Variants in HOOK2 observed in about 807,000 individuals in gnomAD.
HOOK2 encodes the protein protein Hook homolog 2.
A neutral mutation model predicts 111.9 loss-of-function variants in HOOK2; 108 were observed. The ratio of observed to expected loss-of-function variants is 0.96; its 90% confidence interval spans 0.83 to 1.13. HOOK2 has a LOEUF of 1.13. HOOK2 is among the 50% of genes most tolerant of loss of function. The pLI is 0.00. For synonymous variants in HOOK2, 405 were observed against 394.3 expected (o/e 1.03, Z -0.32); for missense variants, 978 against 951.3 (o/e 1.03, Z -0.37).
intron 11 of HOOK2, among the ~76,000 whole-genome samples, chr19:12,768,611 G>A (rs1357425357): frequency 6.6e-6 from 1 of 151,860 alleles, no homozygotes; most frequent in Non-Finnish European, 1.5e-5. Context: ...TATGTTCAAT[G>A]GATTTTCTTT....
chr19:12,767,125 A>G (rs1216338924), intron 14 of HOOK2, among the ~76,000 whole-genome samples: 2 of 152,198 alleles, frequency 1.3e-5, no homozygotes. Flanking sequence ...GATCAAAGTC[A>G]GCGGGGCTAG....
upstream of HOOK2, among the ~76,000 whole-genome samples, chr19:12,776,234 C>T (rs1339500282): frequency 6.6e-6 from 1 of 151,462 alleles, no homozygotes; most frequent in Non-Finnish European, 1.5e-5. Flanking sequence ...CGGGGAGGGG[C>T]GAGCCCTGGC....
upstream of HOOK2, among the ~76,000 whole-genome samples, chr19:12,781,340 A>T (rs1968599554): frequency 6.6e-6 from 1 of 150,988 alleles, no homozygotes; most frequent in South Asian, 2.1e-4. Flanking sequence ...AACGAAAAAG[A>T]AAAAGAGACA....
intron 20 of HOOK2, among the ~76,000 whole-genome samples, chr19:12,764,173 C>A (rs570929214): frequency 9.8e-4 from 149 of 151,822 alleles, no homozygotes; most frequent in Non-Finnish European, 2.0e-3. Context: ...TGTTACCAAT[C>A]CCGCCTAATT....
chr19:12,764,699 T>G, intron 20 of HOOK2, 115 bp downstream of exon 20: 2 of 783,312 alleles, frequency 2.6e-6, no homozygotes, highest in Non-Finnish European at 4.3e-6. Context: ...TATGGTGGGG[T>G]ATGACAGGTA....
upstream of HOOK2, among the ~76,000 whole-genome samples, chr19:12,782,891 C>CG (rs1025509742): frequency 9.9e-5 from 15 of 151,990 alleles, no homozygotes; most frequent in Admixed American, 9.8e-4. Flanking sequence ...TGAGACCCCC[C>CG]CCCCAGTTGC....
intron 11 of HOOK2, among the ~76,000 whole-genome samples, 168 bp downstream of exon 11, chr19:12,769,713 G>A (rs1382932414): frequency 6.6e-6 from 1 of 152,226 alleles, no homozygotes; most frequent in Non-Finnish European, 1.5e-5. Context: ...GGAAAGGCTG[G>A]GCTTACTAAC....
chr19:12,773,718 G>C (rs1968406414), intron 3 of HOOK2, among the ~76,000 whole-genome samples: 1 of 152,134 alleles, frequency 6.6e-6, no homozygotes, highest in Admixed American at 6.6e-5. Flanking sequence ...ATGCAGCCAG[G>C]GGGAGCTTTA....
chr19:12,789,810 G>A (rs1968689143), intron 3 of HOOK2, among the ~76,000 whole-genome samples: 1 of 151,624 alleles, frequency 6.6e-6, no homozygotes. Flanking sequence ...GGCCGTGGGG[G>A]CCCCGGGGGC....
upstream of HOOK2, among the ~76,000 whole-genome samples, chr19:12,777,163 TAAATA>T (rs140327690): frequency 0.35 from 49,196 of 141,174 alleles, 9,196 homozygotes; most frequent in Middle Eastern, 0.48. Context: ...TCAAAAAAAA[TAAATA>T]AAATAAAATA....
At chr19:12,775,700 C>CT (rs938097867), upstream of HOOK2, 1 of 372,662 alleles carries the variant, frequency 2.7e-6, no homozygotes, top group African/African-American at 2.2e-5. Flanking sequence ...GGCGCCCGCC[C>CT]TGCCGCTAGG....
intron 10 of HOOK2, 34 bp downstream of exon 10, chr19:12,770,898 C>T (rs1476793793): frequency 2.5e-6 from 4 of 1,570,574 alleles, no homozygotes; most frequent in Non-Finnish European, 3.5e-6. Context: ...ACCCCCCGCC[C>T]CCCGTGATGG....
chr19:12,789,265 A>G (rs1393125387), intron 3 of HOOK2, among the ~76,000 whole-genome samples: 1 of 151,994 alleles, frequency 6.6e-6, no homozygotes, highest in Non-Finnish European at 1.5e-5. Flanking sequence ...TAGTGGGTTC[A>G]CACACTAACT....
In HOOK2 at chr19:12,771,064, C is replaced by G; in HGVS notation, c.770G>C (p.Ser257Thr). ...GCGCAGGCGCTCATCCTCCCTGCCA[C>G]TCTCCAGCCTGGGGGTGTTGGGGGA... Reference protein sequence around the residue: ...QLQEENFRLESGREDERLRCA... With the variant: ...QLQEENFRLETGREDERLRCA... Residue 257 changes from serine (S) to threonine (T), a missense_variant, in exon 10 of 23, where the codon AGT becomes ACT. Coordinates refer to ENST00000397668, the MANE Select transcript of HOOK2 (RefSeq NM_013312.3). 6 of 1,612,788 alleles carry G rather than the reference C, an allele frequency of 3.7e-6. No homozygotes were observed.
rs1311765993 is a variant in HOOK2, at chr19:12,763,785, G to A, written c.1828-7C>T. The A allele has an allele frequency of 6.2e-7, 1 of 1,611,466 alleles. No individual in the cohort carries two copies. Among genetic ancestry groups the A allele is most frequent in the African/African-American group, 1.3e-5 (1 of 74,862 alleles). ...GTTCCATGGTCTGCATGACCTACAGGTTGAGGAAGTCATAGCCAGGTGACT... is the reference window on the plus strand; with the variant it reads ...GTTCCATGGTCTGCATGACCTACAGATTGAGGAAGTCATAGCCAGGTGACT... On this transcript the variant is annotated splice_region_variant and splice_polypyrimidine_tract_variant and intron_variant, in intron 20 of 22. Coordinates refer to ENST00000397668, the MANE Select transcript of HOOK2 (RefSeq NM_013312.3).
In HOOK2 at chr19:12,763,426, C is replaced by G. The variant is rs1968053894; in HGVS notation, c.2016G>C (p.Met672Ile). Residue 672 changes from methionine to isoleucine, a missense_variant, in exon 23 of 23, where the codon ATG becomes ATC. Met to Ile is a conservative substitution (Grantham distance 10). This residue lies in a region of HOOK2 where 277 missense variants were observed against 265.8 expected (regional missense o/e 1.04). Coordinates refer to ENST00000397668, the MANE Select transcript of HOOK2 (RefSeq NM_013312.3). ...LLISAWYNMGMALQQRAGEER... is the reference protein window; with the variant it reads ...LLISAWYNMGIALQQRAGEER... ...CCTCCCCAGCTCGCTGCTGCAAGGC[C>G]ATGCCCTTCAGGAGGAGGTGTGGTT... is the stretch of plus-strand genomic sequence containing the variant. 1 of 1,613,860 alleles carries G rather than the reference C, an allele frequency of 6.2e-7. No homozygotes were observed. The highest frequency in any genetic ancestry group is 8.5e-7 in the Non-Finnish European group (1 of 1,179,894).
At chr19:12,770,811 G>T (rs894401268) in intron 10 of HOOK2, 121 bp downstream of exon 10, 1 of 1,219,374 alleles carries the variant, frequency 8.2e-7, no homozygotes. Context: ...AGTCCAGGGG[G>T]CATATTGGGG....
upstream of HOOK2, among the ~76,000 whole-genome samples, chr19:12,780,162 A>C (rs568189035): frequency 1.3e-5 from 2 of 151,938 alleles, no homozygotes; most frequent in South Asian, 2.1e-4. Flanking sequence ...AAACAACAAC[A>C]ACCAAAAAAA....
upstream of HOOK2, among the ~76,000 whole-genome samples, chr19:12,777,286 C>A (rs1276725916): frequency 6.6e-6 from 1 of 152,056 alleles, no homozygotes; most frequent in African/African-American, 2.4e-5. Context: ...ACAGCCCTGG[C>A]AACACAGCGA....
Sources: allele counts gnomAD v4.1 joint callset (sites outside exome capture counted in the v4.1 genomes callset), GRCh38; gene constraint gnomAD v4.1.1; regional missense constraint gnomAD v4.1.1; transcripts MANE v1.5; gene names NCBI Gene and HGNC (gene_info 2026-07-23, HGNC 2026-07-21).